Variants in FSD1L observed in about 807,000 individuals in gnomAD.
The protein encoded by FSD1L is FSD1-like protein.
FSD1L carries 45 observed loss-of-function variants against 71.6 expected under a neutral mutation model. The ratio of observed to expected loss-of-function variants is 0.63; its 90% CI spans 0.49 to 0.81. FSD1L has a LOEUF of 0.81. Among genes scored for constraint, FSD1L ranks in the 30% least tolerant of loss-of-function variants. The pLI is 0.00. For missense variants in FSD1L, 561 were observed against 618.1 expected (o/e 0.91, Z 0.98); for synonymous variants, 197 against 207.2 (o/e 0.95, Z 0.42).
chr9:105,548,640 A>T lies in FSD1L; in HGVS notation c.*2157A>T, dbSNP rs1837138956. On this transcript the variant is annotated 3_prime_UTR_variant, in exon 14 of 14. Coordinates refer to ENST00000481272, the MANE Select transcript of FSD1L (RefSeq NM_001145313.3). ...TCTTGTGTTCATGTTGTCATTTGAA[A>T]CTCTTCACATAAAATTTTCTAATAT... 1 of 151,148 alleles carries T rather than the reference A, an allele frequency of 6.6e-6. No homozygotes were observed. Among genetic ancestry groups the T allele is most frequent in the Non-Finnish European group, 1.5e-5 (1 of 67,720 alleles). The allele number at this position is 151,148 out of a possible 1,614,324, so 9.4% of individuals were successfully genotyped here.
At chr9:105,476,346 AC>A (rs1831801835) in intron 5 of FSD1L, among the ~76,000 whole-genome samples, 1 of 152,144 alleles carries the variant, frequency 6.6e-6, no homozygotes, top group Admixed American at 6.5e-5. Flanking sequence ...ACTAAATCTT[AC>A]AATTCCATTT....
rs151236148 is a variant in FSD1L, at chr9:105,474,639, T to C, written c.441+2634T>C. ...TTAGATGTCTGGAAAAAGAAATTCA[T>C]TTAAGGTATACTATTTGTGAATATC... is the stretch of plus-strand genomic sequence containing the variant. On this transcript the variant is annotated intron_variant, in intron 5 of 13. Coordinates refer to ENST00000481272, the MANE Select transcript of FSD1L (RefSeq NM_001145313.3). 8.0e-3 allele frequency among the ~76,000 whole-genome samples: 1,217 copies of C among 152,338 alleles called. 10 individuals are homozygous for C. Among genetic ancestry groups the C allele is most frequent in the Middle Eastern group, 0.027 (8 of 294 alleles).
intron 10 of FSD1L, among the ~76,000 whole-genome samples, chr9:105,532,182 A>AT (rs938631965): frequency 6.6e-6 from 1 of 152,210 alleles, no homozygotes; most frequent in African/African-American, 2.4e-5. Context: ...TGCATGTACT[A>AT]TTTTTTTAAA....
At chr9:105,513,509 C>A in intron 10 of FSD1L, 1 of 1,060,568 alleles carries the variant, frequency 9.4e-7, no homozygotes. Context: ...CCAAAAATTC[C>A]TCAGCAGGCC....
chr9:105,457,621 CTG>C (rs1213600338), intron 1 of FSD1L, among the ~76,000 whole-genome samples: 1 of 152,248 alleles, frequency 6.6e-6, no homozygotes, highest in East Asian at 1.9e-4. Flanking sequence ...CTAGAAACCT[CTG>C]TAGCTGGCAG....
upstream of FSD1L, among the ~76,000 whole-genome samples, chr9:105,447,533 C>T (rs115842951): frequency 8.3e-3 from 1,264 of 152,120 alleles, 20 homozygotes; most frequent in African/African-American, 0.029. Flanking sequence ...CCGGGAAAAA[C>T]TGTGCCAGGC....
At chr9:105,524,207 G>C in intron 10 of FSD1L, 1 of 1,612,296 alleles carries the variant, frequency 6.2e-7, no homozygotes, top group Non-Finnish European at 8.5e-7. Context: ...AGGAAGCTCT[G>C]AATGTGATTT....
rs993098633 is a variant in FSD1L, at chr9:105,533,720, C to A, written c.1026-773C>A. The stretch of plus-strand genomic sequence containing the variant: ...AGAAGCATGAGCCACCGCGTGCAGC[C>A]CCCCCGTCCCTTTTTTTTTAAGACA... On this transcript the variant is annotated intron_variant, in intron 10 of 13. Coordinates refer to ENST00000481272, the MANE Select transcript of FSD1L (RefSeq NM_001145313.3). Among the ~76,000 whole-genome samples, 8 of 13,734 alleles carry A rather than the reference C, an allele frequency of 5.8e-4. No homozygotes were observed. The East Asian group carries it at 0.014, about 25-fold the overall frequency. 9.0% of individuals were successfully genotyped at this position (13,734 alleles called of 152,430 possible). A position where few individuals can be genotyped will look rare whatever the true frequency, so the allele number is the denominator to read the frequency against.
intron 12 of FSD1L, among the ~76,000 whole-genome samples, chr9:105,536,323 C>G (rs1312302781): frequency 6.6e-6 from 1 of 152,148 alleles, no homozygotes; most frequent in Non-Finnish European, 1.5e-5. Context: ...AACTTTCTTG[C>G]CCTGTTTTTC....
chr9:105,493,065 C>T (rs1833072790), intron 7 of FSD1L, among the ~76,000 whole-genome samples: 1 of 152,146 alleles, frequency 6.6e-6, no homozygotes. Flanking sequence ...TGTTAACTTT[C>T]TGTCTCGTTG....
At chr9:105,442,452 G>A in the FSD1L span, among the ~76,000 whole-genome samples, 27 of 152,138 alleles carry the variant, frequency 1.8e-4, no homozygotes, top group African/African-American at 5.8e-4. Flanking sequence ...GCCAAGGTGG[G>A]CAGATTGCTT....
At chr9:105,506,262 T>C in intron 7 of FSD1L, 137 bp from the exon 8 acceptor site, 1 of 642,748 alleles carries the variant, frequency 1.6e-6, no homozygotes, top group Non-Finnish European at 2.6e-6. Flanking sequence ...TTCCTTTTGC[T>C]TAATCTGATC....
At chr9:105,471,882 GT>G (rs770801403) in intron 4 of FSD1L, 21 bp from the exon 5 acceptor site, 21,588 of 731,772 alleles carry the variant, frequency 0.03, no homozygotes, top group Middle Eastern at 0.038. Context: ...TAATGACTTA[GT>G]TTTTTTTTTT....
At chr9:105,492,607 G>T (rs1001907103) in intron 7 of FSD1L, among the ~76,000 whole-genome samples, 34 of 152,156 alleles carry the variant, frequency 2.2e-4, no homozygotes, top group African/African-American at 7.0e-4. Context: ...GTGAATTTTG[G>T]ATCTTTTCTG....
intron 7 of FSD1L, among the ~76,000 whole-genome samples, chr9:105,490,344 A>G (rs895989135): frequency 1.3e-5 from 2 of 151,780 alleles, no homozygotes; most frequent in East Asian, 3.9e-4. Flanking sequence ...CCACTTTTTG[A>G]TGGAGTTGTT....
At chr9:105,475,195 G>T (rs1463383885) in intron 5 of FSD1L, among the ~76,000 whole-genome samples, 5 of 152,166 alleles carry the variant, frequency 3.3e-5, no homozygotes, top group Admixed American at 6.5e-5. Flanking sequence ...TTCCAAGTCA[G>T]TGTAACTAAA....
At chr9:105,488,164 G>A (rs548283690) in intron 7 of FSD1L, among the ~76,000 whole-genome samples, 10 of 152,166 alleles carry the variant, frequency 6.6e-5, no homozygotes, top group Admixed American at 3.3e-4. Flanking sequence ...CGAAAAATCC[G>A]CTGTGCCCCA....
intron 10 of FSD1L, chr9:105,521,082 C>T (rs1835120139): frequency 1.2e-6 from 2 of 1,613,482 alleles, no homozygotes; most frequent in South Asian, 1.1e-5. Context: ...ACCAAAGCCA[C>T]ATTATGTCAT....
At chr9:105,459,560 AGTCTGCCCTTG>A (rs1830560661) in intron 1 of FSD1L, among the ~76,000 whole-genome samples, 1 of 152,242 alleles carries the variant, frequency 6.6e-6, no homozygotes, top group Non-Finnish European at 1.5e-5. Context: ...TTGTCTCAGT[AGTCTGCCCTTG>A]GGGAACTTTG....
Sources: allele counts gnomAD v4.1 joint callset (sites outside exome capture counted in the v4.1 genomes callset), GRCh38; gene constraint gnomAD v4.1.1; transcripts MANE v1.5; gene names NCBI Gene and HGNC (gene_info 2026-07-23, HGNC 2026-07-21).